Variants in ESCO1 observed in about 807,000 individuals in gnomAD.
The protein encoded by ESCO1 is establishment of sister chromatid cohesion N-acetyltransferase 1.
In ESCO1, 33 loss-of-function variants were observed where a neutral mutation model predicts 83.5. The ratio of observed to expected loss-of-function variants is 0.40; its 90% CI spans 0.30 to 0.53. ESCO1 has a LOEUF of 0.53. ESCO1 is among the 20% of genes least tolerant of loss of function. The pLI is 0.63. For missense variants in ESCO1, 855 were observed against 968.0 expected (o/e 0.88, Z 1.55); for synonymous variants, 332 against 324.3 (o/e 1.02, Z -0.25).
At chr18:21,579,715 T>G (rs1002370596) in intron 2 of ESCO1, among the ~76,000 whole-genome samples, 2 of 147,302 alleles carry the variant, frequency 1.4e-5, no homozygotes, top group African/African-American at 5.0e-5. Context: ...GAGGTTGCAG[T>G]GAGCCGACAT....
chr18:21,570,063 T>A (rs2038319032), intron 4 of ESCO1, among the ~76,000 whole-genome samples: 2 of 152,144 alleles, frequency 1.3e-5, no homozygotes, highest in South Asian at 4.2e-4. Context: ...ATGTTGAGAT[T>A]AGTGAAAAAT....
At chr18:21,557,983 G>GTT (rs757798371) in intron 8 of ESCO1, among the ~76,000 whole-genome samples, 5 of 141,492 alleles carry the variant, frequency 3.5e-5, no homozygotes, top group Admixed American at 7.1e-5. Flanking sequence ...GTTTTTTGGG[G>GTT]TTTTTTTTTT....
Position 21,542,077 on chromosome 18 carries a change from CT to C in ESCO1, c.1954-2069del, listed in dbSNP as rs1172036563. 3.9e-5 allele frequency among the ~76,000 whole-genome samples: 6 copies of C among 152,050 alleles called. 1 individual carries two copies. In the South Asian group the frequency reaches 6.2e-4, roughly 16 times the overall value. On this transcript the variant is annotated intron_variant, in intron 8 of 11. Transcript: ENST00000269214. Reference sequence around the variant, plus strand: ...TATAATTTTATGTTTTAAATAGTACCTTTTTTTCATGTACTAAATAAAAGCC... The same window carrying C: ...TATAATTTTATGTTTTAAATAGTACCTTTTTTCATGTACTAAATAAAAGCC...
At chr18:21,546,015 G>C (rs564394900) in intron 8 of ESCO1, among the ~76,000 whole-genome samples, 1 of 152,270 alleles carries the variant, frequency 6.6e-6, no homozygotes, top group East Asian at 1.9e-4. Context: ...AAAAGTCTTA[G>C]ATATTACTAC....
chr18:21,534,576 A>G (rs2037808537), intron 10 of ESCO1, among the ~76,000 whole-genome samples: 1 of 151,698 alleles, frequency 6.6e-6, no homozygotes, highest in African/African-American at 2.4e-5. Context: ...TAAACACAAG[A>G]TAACTACTCA....
At chr18:21,579,812 A>G (rs994480160) in intron 2 of ESCO1, among the ~76,000 whole-genome samples, 26 of 146,650 alleles carry the variant, frequency 1.8e-4, no homozygotes, top group South Asian at 6.4e-4. Flanking sequence ...ACACACACAC[A>G]CACACACACA....
chr18:21,560,979 T>C lies in ESCO1; in HGVS notation c.1833A>G (p.Gln611=), dbSNP rs773518484. The change falls in exon 8 of 12, where the codon CAA becomes CAG. Residue 611 remains glutamine (Q), a synonymous_variant. Transcript: ENST00000269214. ...DEKQLIIDAG[Q]KRFGAVSCNV... Reference sequence around the variant, plus strand: ...TACAAGAAACTGCTCCAAATCTTTTTTGTCCTGCATCCTATTTACAAAAAA... The same window carrying C: ...TACAAGAAACTGCTCCAAATCTTTTCTGTCCTGCATCCTATTTACAAAAAA... The C allele has an allele frequency of 6.3e-7, 1 of 1,583,972 alleles. No individual in the cohort carries two copies. Among genetic ancestry groups the C allele is most frequent in the Admixed American group, 1.9e-5 (1 of 52,826 alleles).
intron 2 of ESCO1, among the ~76,000 whole-genome samples, chr18:21,579,808 A>AGTG (rs1568109930): frequency 1.4e-4 from 15 of 107,752 alleles, no homozygotes; most frequent in African/African-American, 4.8e-4. Flanking sequence ...ACACACACAC[A>AGTG]CACACACACA....
chr18:21,595,044 G>A (rs1038277609), intron 1 of ESCO1, among the ~76,000 whole-genome samples: 13 of 150,734 alleles, frequency 8.6e-5, no homozygotes, highest in Non-Finnish European at 1.9e-4. Flanking sequence ...ACGGGGTTTC[G>A]CCATGTTGCC....
chr18:21,575,940 T>C (rs2038413695), intron 2 of ESCO1, among the ~76,000 whole-genome samples, 163 bp from the exon 3 acceptor site: 1 of 152,210 alleles, frequency 6.6e-6, no homozygotes, highest in Non-Finnish European at 1.5e-5. Flanking sequence ...TTAGTATTTC[T>C]AATTTGCACT....
rs2038285341 is a variant in ESCO1 at position 21,567,963 on chromosome 18, T to C, written c.1645+17A>G. ...ACTGAAGACTATGAAATCCAAATAA[T>C]ATTTCCAAAGTATTACCTGGAAATT... On this transcript the variant is annotated intron_variant, in intron 5 of 11. Coordinates refer to ENST00000269214, the MANE Select transcript of ESCO1 (RefSeq NM_052911.3). The C allele has an allele frequency of 1.3e-6, 2 of 1,570,794 alleles. No homozygotes were observed.
At chr18:21,548,410 G>A (rs1044682021) in intron 8 of ESCO1, among the ~76,000 whole-genome samples, 11 of 151,992 alleles carry the variant, frequency 7.2e-5, no homozygotes, top group Admixed American at 2.6e-4. Context: ...CAAGAGGATC[G>A]CTTGAGCCTG....
chr18:21,560,287 A>C (rs1451625508), intron 8 of ESCO1, among the ~76,000 whole-genome samples: 1 of 151,566 alleles, frequency 6.6e-6, no homozygotes, highest in Non-Finnish European at 1.5e-5. Context: ...TTCCATTAAA[A>C]AATATATTTT....
chr18:21,567,911 A>G (rs1433884930), intron 5 of ESCO1, 69 bp downstream of exon 5: 1 of 1,208,660 alleles, frequency 8.3e-7, no homozygotes, highest in South Asian at 1.3e-5. Flanking sequence ...GGTATATAAC[A>G]TTTTCTGTAA....
At chr18:21,530,981 A>C (rs1376476523) in intron 11 of ESCO1, among the ~76,000 whole-genome samples, 2 of 152,198 alleles carry the variant, frequency 1.3e-5, no homozygotes, top group Non-Finnish European at 2.9e-5. Flanking sequence ...GTTTATAGAA[A>C]ATCCTAAAAA....
chr18:21,548,575 G>C (rs979948991), intron 8 of ESCO1, among the ~76,000 whole-genome samples: 1 of 151,640 alleles, frequency 6.6e-6, no homozygotes, highest in Non-Finnish European at 1.5e-5. Context: ...CGAGGTGAGA[G>C]GGCTGCTTGA....
At chr18:21,579,791 C>T (rs984278320) in intron 2 of ESCO1, among the ~76,000 whole-genome samples, 20 of 42,798 alleles carry the variant, frequency 4.7e-4, no homozygotes, top group Non-Finnish European at 1.1e-3. Context: ...CACACGCGCG[C>T]GCGCACACAC....
At chr18:21,579,806 A>G (rs889207272) in intron 2 of ESCO1, among the ~76,000 whole-genome samples, 1,300 of 92,026 alleles carry the variant, frequency 0.014, 42 homozygotes, top group African/African-American at 0.041. Context: ...ACACACACAC[A>G]CACACACACA....
intron 1 of ESCO1, among the ~76,000 whole-genome samples, chr18:21,599,014 A>G (rs1034752933): frequency 6.6e-6 from 1 of 151,848 alleles, no homozygotes; most frequent in African/African-American, 2.4e-5. Flanking sequence ...TCCCATGTCT[A>G]ATTCCATTGA....
Sources: gnomAD v4.1 joint callset for allele counts (sites outside exome capture counted in the v4.1 genomes callset) on GRCh38, gnomAD v4.1.1 for gene constraint, MANE v1.5 for transcripts, NCBI Gene and HGNC (gene_info 2026-07-23, HGNC 2026-07-21) for gene names.